CDON: variants seen among roughly 807,000 people sequenced by gnomAD.
The protein encoded by CDON is cell adhesion molecule-related/down-regulated by oncogenes.
In CDON, 73 loss-of-function variants were observed where a neutral mutation model predicts 120.9. The observed-to-expected ratio is 0.60, with a 90% CI of 0.50 to 0.73. The LOEUF is 0.73. CDON is among the 30% of genes least tolerant of loss of function. The pLI, the probability that CDON is intolerant of heterozygous loss-of-function variation, is 0.00. For synonymous variants in CDON, 566 were observed against 573.5 expected (o/e 0.99, Z 0.19); for missense variants, 1,470 against 1,587.3 (o/e 0.93, Z 1.26).
chr11:125,988,235 T>A (rs1946523880), intron 15 of CDON, among the ~76,000 whole-genome samples: 1 of 152,168 alleles, frequency 6.6e-6, no homozygotes, highest in East Asian at 1.9e-4. Flanking sequence ...GGGGAAATTT[T>A]CCTTGTTCCT....
chr11:126,006,174 T>G (rs1214833671), intron 8 of CDON, 117 bp from the exon 9 acceptor site: 2 of 861,142 alleles, frequency 2.3e-6, no homozygotes, highest in East Asian at 2.6e-5. Context: ...GCCCCAGAAG[T>G]TAAAACGGGT....
At chr11:125,969,085 G>C (rs138204067) in intron 18 of CDON, among the ~76,000 whole-genome samples, 1 of 152,048 alleles carries the variant, frequency 6.6e-6, no homozygotes, top group African/African-American at 2.4e-5. Flanking sequence ...TGCAACCTCC[G>C]CCTCCCAGGT....
At chr11:126,040,707 T>C (rs1389888609) in intron 1 of CDON, among the ~76,000 whole-genome samples, 2 of 144,408 alleles carry the variant, frequency 1.4e-5, no homozygotes, top group East Asian at 2.1e-4. Flanking sequence ...CCCAGCTACT[T>C]GGGAGGCTGA....
chr11:126,015,038 C>A, intron 7 of CDON: 1 of 600,020 alleles, frequency 1.7e-6, no homozygotes, highest in Non-Finnish European at 2.9e-6. Flanking sequence ...TTTTTAAAAA[C>A]TTTTTTTAAT....
chr11:125,970,862 C>T (rs1407153269), intron 18 of CDON, among the ~76,000 whole-genome samples: 1 of 152,194 alleles, frequency 6.6e-6, no homozygotes, highest in Non-Finnish European at 1.5e-5. Context: ...AAGTACGAGA[C>T]AGACTTGGGG....
intron 1 of CDON, among the ~76,000 whole-genome samples, chr11:126,055,947 TA>T (rs1948671408): frequency 6.6e-6 from 1 of 152,190 alleles, no homozygotes; most frequent in South Asian, 2.1e-4. Context: ...GGAGCTGGTT[TA>T]AAAAATGTAT....
chr11:126,023,358 A>G lies in CDON; in HGVS notation c.76+43T>C, dbSNP rs181273195. Reference sequence around the variant, plus strand: ...CAAATTTATGTTTTATAGGATTAAGATGAGTAAAGGCCAAACCACCCCCTC... The same window carrying G: ...CAAATTTATGTTTTATAGGATTAAGGTGAGTAAAGGCCAAACCACCCCCTC... On this transcript the variant is annotated intron_variant, in intron 2 of 19. Coordinates refer to ENST00000531738, the MANE Select transcript of CDON (RefSeq NM_001378964.1). 6.2e-4 allele frequency: 719 copies of G among 1,159,828 alleles called. 6 individuals are homozygous for G. In the Admixed American group the frequency reaches 0.012, roughly 19 times the overall value. 71.8% of individuals were successfully genotyped at this position (1,159,828 alleles called of 1,614,324 possible). A position where few individuals can be genotyped will look rare whatever the true frequency, so the allele number is the denominator to read the frequency against.
intron 1 of CDON, among the ~76,000 whole-genome samples, chr11:126,036,133 C>T (rs1948091152): frequency 6.6e-6 from 1 of 152,160 alleles, no homozygotes; most frequent in Non-Finnish European, 1.5e-5. Flanking sequence ...CCAGATAAAA[C>T]TTATTCCAAT....
intron 2 of CDON, among the ~76,000 whole-genome samples, chr11:126,022,678 G>A (rs1397399075): frequency 1.3e-5 from 2 of 151,996 alleles, no homozygotes; most frequent in African/African-American, 2.4e-5. Context: ...CTGAATCTGG[G>A]GTGGTTGTTT....
intron 1 of CDON, among the ~76,000 whole-genome samples, chr11:126,062,226 G>C (rs978157336): frequency 8.5e-5 from 13 of 152,054 alleles, no homozygotes; most frequent in African/African-American, 2.9e-4. Flanking sequence ...AGAGAGGCCA[G>C]GGACCCGGCT....
At chr11:125,962,767 A>G (rs973219854) in intron 18 of CDON, among the ~76,000 whole-genome samples, 2 of 152,054 alleles carry the variant, frequency 1.3e-5, no homozygotes, top group Non-Finnish European at 2.9e-5. Flanking sequence ...TTAGTTACTG[A>G]GCTCTTTAGC....
chr11:125,989,704 A>T lies in CDON; in HGVS notation c.2706T>A (p.Ile902=). Residue 902 remains isoleucine, a synonymous_variant, in exon 15 of 20, where the codon ATT becomes ATA. Coordinates refer to ENST00000531738, the MANE Select transcript of CDON (RefSeq NM_001378964.1). ...GHLQPETSYD[I]KMQCFNEGGE... Reference sequence around the variant, plus strand: ...CTCCTTCATTGAAGCATTGCATTTTAATGTCATAGGAGGTTTCTGGCTGCA... The same window carrying T: ...CTCCTTCATTGAAGCATTGCATTTTTATGTCATAGGAGGTTTCTGGCTGCA... 1.2e-6 allele frequency: 2 copies of T among 1,613,010 alleles called. No homozygotes were observed. Among genetic ancestry groups the T allele is most frequent in the Non-Finnish European group, 1.7e-6 (2 of 1,179,090 alleles).
intron 1 of CDON, among the ~76,000 whole-genome samples, chr11:126,052,283 A>G (rs1436601320): frequency 6.6e-6 from 1 of 152,204 alleles, no homozygotes; most frequent in Non-Finnish European, 1.5e-5. Flanking sequence ...TCAGGGTAGA[A>G]ATCTGATCTA....
intron 13 of CDON, 23 bp from the exon 14 acceptor site, chr11:125,994,412 T>G (rs1423879756): frequency 7.9e-7 from 1 of 1,262,312 alleles, no homozygotes; most frequent in South Asian, 1.2e-5. Context: ...AGCAAAGACT[T>G]GTCAAAGAGA....
intron 1 of CDON, among the ~76,000 whole-genome samples, chr11:126,038,156 A>C (rs1948151740): frequency 6.6e-6 from 1 of 152,206 alleles, no homozygotes; most frequent in Admixed American, 6.5e-5. Flanking sequence ...GTTTCATTCT[A>C]AGAACCTGGA....
At chr11:126,046,933 A>C (rs1167141759) in intron 1 of CDON, among the ~76,000 whole-genome samples, 1 of 152,234 alleles carries the variant, frequency 6.6e-6, no homozygotes, top group Non-Finnish European at 1.5e-5. Flanking sequence ...ATGTAAGCCC[A>C]AAAGAAAAGT....
At chr11:126,025,491 T>C (rs1160501064) in intron 1 of CDON, among the ~76,000 whole-genome samples, 1 of 152,002 alleles carries the variant, frequency 6.6e-6, no homozygotes, top group African/African-American at 2.4e-5. Context: ...GGAGAATTGC[T>C]GAAGACAAAT....
intron 4 of CDON, 52 bp downstream of exon 4, chr11:126,019,567 T>C: frequency 6.2e-7 from 1 of 1,600,902 alleles, no homozygotes; most frequent in Non-Finnish European, 8.6e-7. Context: ...AGTAGCTTAT[T>C]TAATGAGCAT....
At chr11:125,971,809 C>T (rs1946008138) in intron 18 of CDON, among the ~76,000 whole-genome samples, 1 of 152,172 alleles carries the variant, frequency 6.6e-6, no homozygotes, top group South Asian at 2.1e-4. Context: ...TCTCTACTCT[C>T]TCTTACAAAT....
Sources: gnomAD v4.1 joint callset for allele counts (sites outside exome capture counted in the v4.1 genomes callset) on GRCh38, gnomAD v4.1.1 for gene constraint, MANE v1.5 for transcripts, NCBI Gene and HGNC (gene_info 2026-07-23, HGNC 2026-07-21) for gene names.